Variants in TMEM183A observed in about 807,000 individuals in gnomAD.
The protein encoded by TMEM183A is chromosome 1 open reading frame 37.
A neutral mutation model predicts 46.7 loss-of-function variants in TMEM183A; 21 were observed. The ratio of observed to expected loss-of-function variants is 0.45; its 90% CI spans 0.32 to 0.65. The LOEUF is 0.65. Ranked by LOEUF, TMEM183A falls within the 30% of genes least tolerant of loss-of-function variation. The pLI, the probability that TMEM183A is intolerant of heterozygous loss-of-function variation, is 0.04. For synonymous variants in TMEM183A, 165 were observed against 180.2 expected (o/e 0.92, Z 0.68); for missense variants, 331 against 481.9 (o/e 0.69, Z 2.93).
intron 6 of TMEM183A, 130 bp downstream of exon 6, chr1:203,018,691 T>A (rs992445941): frequency 4.6e-6 from 5 of 1,086,036 alleles, no homozygotes; most frequent in Non-Finnish European, 6.7e-6. Context: ...GAACGAACTT[T>A]ATTTCTTAAC....
chr1:203,022,658 A>ACAT (rs1471994976), intron 7 of TMEM183A, among the ~76,000 whole-genome samples, 197 bp from the exon 8 acceptor site: 1 of 151,760 alleles, frequency 6.6e-6, no homozygotes, highest in Non-Finnish European at 1.5e-5. Context: ...AGCCGAGATC[A>ACAT]CATCACTGCA....
intron 3 of TMEM183A, among the ~76,000 whole-genome samples, chr1:203,012,166 A>T (rs903487518): frequency 4.5e-5 from 6 of 133,024 alleles, no homozygotes; most frequent in Non-Finnish European, 9.8e-5. Context: ...ACACACACAC[A>T]CACACACACA....
chr1:203,022,093 G>A (rs2102575130), intron 7 of TMEM183A, among the ~76,000 whole-genome samples: 1 of 152,106 alleles, frequency 6.6e-6, no homozygotes, highest in Admixed American at 6.5e-5. Context: ...TTGAGATGGA[G>A]TCTCGCTCTG....
chr1:203,013,678 A>AT lies in TMEM183A; in HGVS notation c.368-1204dup, dbSNP rs1246500002. 3.3e-5 allele frequency among the ~76,000 whole-genome samples: 5 copies of AT among 150,258 alleles called. No homozygotes were observed. Among genetic ancestry groups the AT allele is most frequent in the African/African-American group, 1.2e-4 (5 of 40,748 alleles). The stretch of plus-strand genomic sequence containing the variant: ...AGGCAGCTGCCACCACGCCCGGCTA[A>AT]TTTTTTTGTATTTTTTAGTAGAGAA... On this transcript the variant is annotated intron_variant, in intron 3 of 7. Coordinates refer to ENST00000367242, the MANE Select transcript of TMEM183A (RefSeq NM_138391.6). This position sits in a 1 kb window ranked among gnomAD's most constrained non-coding sequence, Gnocchi z 4.0.
chr1:203,014,815 T>C, intron 3 of TMEM183A, 74 bp from the exon 4 acceptor site: 23 of 1,569,888 alleles, frequency 1.5e-5, no homozygotes, highest in Non-Finnish European at 2.0e-5. Context: ...AATCAATCCT[T>C]GGGAGAAATG....
intron 5 of TMEM183A, among the ~76,000 whole-genome samples, chr1:203,017,175 C>G (rs1657244687): frequency 6.6e-6 from 1 of 151,966 alleles, no homozygotes. Context: ...AGTAGAATGC[C>G]GGGAGAGTAG....
chr1:203,010,349 A>T (rs1021385293), intron 3 of TMEM183A, among the ~76,000 whole-genome samples: 1 of 152,180 alleles, frequency 6.6e-6, no homozygotes, highest in Non-Finnish European at 1.5e-5. Context: ...GGATCCCAAA[A>T]TTAAAACAGG....
rs1485628684 is a variant in TMEM183A at position 203,013,177 on chromosome 1, C to T, written c.368-1712C>T. Among the ~76,000 whole-genome samples, 1 of 152,194 alleles carries T rather than the reference C, an allele frequency of 6.6e-6. No homozygotes were observed. The highest frequency in any genetic ancestry group is 1.5e-5 in the Non-Finnish European group (1 of 68,034). On this transcript the variant is annotated intron_variant, in intron 3 of 7. Coordinates refer to ENST00000367242, the MANE Select transcript of TMEM183A (RefSeq NM_138391.6). The surrounding 1 kb of genome is among the most constrained non-coding windows in gnomAD (Gnocchi z 4.0). ...TTAGAAAAGATGATGATGTTTTAGA[C>T]ATATTGGGTCTCTGTTGTGAAGAAC...
intron 2 of TMEM183A, among the ~76,000 whole-genome samples, chr1:203,008,181 A>G (rs1286701699): frequency 6.6e-6 from 1 of 152,026 alleles, no homozygotes; most frequent in East Asian, 1.9e-4. Flanking sequence ...ATAACCTTGG[A>G]GTGTTCTTTT....
intron 3 of TMEM183A, 84 bp from the exon 4 acceptor site, chr1:203,014,805 A>C (rs1446632015): frequency 6.5e-7 from 1 of 1,544,434 alleles, no homozygotes; most frequent in Non-Finnish European, 8.7e-7. Flanking sequence ...TTAACTGTGC[A>C]ATCAATCCTT....
At chr1:203,008,149 C>T (rs540363277) in intron 2 of TMEM183A, among the ~76,000 whole-genome samples, 2 of 152,340 alleles carry the variant, frequency 1.3e-5, no homozygotes, top group African/African-American at 4.8e-5. Flanking sequence ...ATGTTTTACT[C>T]TGCAGTTTGC....
intron 3 of TMEM183A, among the ~76,000 whole-genome samples, chr1:203,010,842 A>G (rs1414188963): frequency 6.6e-6 from 1 of 152,224 alleles, no homozygotes; most frequent in Non-Finnish European, 1.5e-5. Context: ...ACTTATTAGC[A>G]TCCCTTCTCA....
chr1:203,012,186 G>T (rs868621825), intron 3 of TMEM183A, among the ~76,000 whole-genome samples: 51 of 20,040 alleles, frequency 2.5e-3, no homozygotes, highest in East Asian at 9.7e-3. Context: ...ACACACACAC[G>T]GTTATTTTGA....
At chr1:203,021,061 TCA>T in intron 7 of TMEM183A, 113 bp downstream of exon 7, 1 of 1,162,672 alleles carries the variant, frequency 8.6e-7, no homozygotes, top group Non-Finnish European at 1.2e-6. Context: ...AGACGTGGTC[TCA>T]CTCTGTCACT....
chr1:203,020,969 T>A (rs773620339), intron 7 of TMEM183A, 21 bp downstream of exon 7: 2 of 1,526,498 alleles, frequency 1.3e-6, no homozygotes, highest in Middle Eastern at 1.8e-4. Flanking sequence ...ACTCAGGATG[T>A]CATTCTCAGC....
At chr1:203,018,698 TA>T in intron 6 of TMEM183A, 137 bp downstream of exon 6, 1 of 1,021,510 alleles carries the variant, frequency 9.8e-7, no homozygotes, top group African/African-American at 1.6e-5. Flanking sequence ...CTTTATTTCT[TA>T]ACAGTTCTGG....
chr1:203,009,446 A>G (rs1488614933), intron 3 of TMEM183A, among the ~76,000 whole-genome samples: 1 of 152,184 alleles, frequency 6.6e-6, no homozygotes, highest in African/African-American at 2.4e-5. Flanking sequence ...TTCAGACTTA[A>G]TGAGTCAGAA....
rs898803948 is a variant in TMEM183A at position 203,008,012 on chromosome 1, T to A, written c.199+149T>A. 2.8e-5 allele frequency: 25 copies of A among 879,408 alleles called. No homozygotes were observed. In the African/African-American group the frequency reaches 4.2e-4, roughly 15 times the overall value. 54.5% of individuals were successfully genotyped at this position (879,408 alleles called of 1,614,324 possible). On this transcript the variant is annotated intron_variant, in intron 2 of 7. Transcript: ENST00000367242. ...CTTACATATTGGGGTGGAGGAGGATTAGTCAAGAGTAGCAGTTTCTGTAGC... is the reference window on the plus strand; with the variant it reads ...CTTACATATTGGGGTGGAGGAGGATAAGTCAAGAGTAGCAGTTTCTGTAGC...
intron 3 of TMEM183A, among the ~76,000 whole-genome samples, chr1:203,012,148 T>TCTCTCACACACA (rs1553249434): frequency 3.8e-5 from 3 of 79,400 alleles, no homozygotes; most frequent in Non-Finnish European, 7.3e-5. Context: ...CCCCACTCCA[T>TCTCTCACACACA]CACACACACA....
Sources: allele counts gnomAD v4.1 joint callset (sites outside exome capture counted in the v4.1 genomes callset), GRCh38; gene constraint gnomAD v4.1.1; non-coding constraint Gnocchi (gnomAD v3.1); transcripts MANE v1.5; gene names NCBI Gene and HGNC (gene_info 2026-07-23, HGNC 2026-07-21).